ZC3H18: variants seen among roughly 807,000 people sequenced by gnomAD.
ZC3H18 encodes zinc finger CCCH-type containing 18, also known as zinc finger CCCH domain-containing protein 18.
ZC3H18 carries 8 observed loss-of-function variants against 106.1 expected under a neutral mutation model. The ratio of observed to expected loss-of-function variants is 0.08; its 90% CI spans 0.04 to 0.14. The LOEUF (loss-of-function observed/expected upper bound fraction) is 0.14, where lower values mean the gene tolerates loss of function less well. Among genes scored for constraint, ZC3H18 ranks in the 10% least tolerant of loss-of-function variants. The pLI, the probability that ZC3H18 is intolerant of heterozygous loss-of-function variation, is 1.00. For synonymous variants in ZC3H18, 635 were observed against 522.1 expected (o/e 1.22, Z -2.95); for missense variants, 1,318 against 1,278.4 (o/e 1.03, Z -0.47).
intron 8 of ZC3H18, among the ~76,000 whole-genome samples, chr16:88,618,184 CA>C (rs1003803626): frequency 2.6e-5 from 4 of 151,796 alleles, no homozygotes; most frequent in African/African-American, 9.7e-5. Context: ...CATTGGACTC[CA>C]CTTTTTTTTT....
chr16:88,623,382 G>A, intron 10 of ZC3H18, 38 bp downstream of exon 10: 2 of 1,606,120 alleles, frequency 1.2e-6, no homozygotes, highest in East Asian at 2.2e-5. Flanking sequence ...CTCAGCAGGT[G>A]CAGTGAGCAA....
intron 9 of ZC3H18, 102 bp from the exon 10 acceptor site, chr16:88,623,117 C>T: frequency 6.7e-7 from 1 of 1,487,018 alleles, no homozygotes; most frequent in South Asian, 1.3e-5. Flanking sequence ...TTGTGTGTAG[C>T]TGTGCGTCTG....
intron 16 of ZC3H18, among the ~76,000 whole-genome samples, chr16:88,629,470 AT>A (rs559927523): frequency 6.6e-6 from 1 of 151,674 alleles, no homozygotes; most frequent in African/African-American, 2.4e-5. Context: ...GAGCAACTGT[AT>A]TTTTTTTTAC....
At chr16:88,595,289 G>A (rs1257945330) in intron 3 of ZC3H18, among the ~76,000 whole-genome samples, 1 of 151,908 alleles carries the variant, frequency 6.6e-6, no homozygotes, top group Admixed American at 6.5e-5. Context: ...CCTCCGCCCC[G>A]CTCCAGCGGC....
intron 6 of ZC3H18, among the ~76,000 whole-genome samples, chr16:88,603,663 C>A (rs1349133524): frequency 6.7e-6 from 1 of 149,806 alleles, no homozygotes; most frequent in Non-Finnish European, 1.5e-5. Flanking sequence ...GGCTCTGTCG[C>A]CCAGCGTGGA....
chr16:88,589,229 G>A (rs894980246), intron 3 of ZC3H18, among the ~76,000 whole-genome samples: 2 of 152,238 alleles, frequency 1.3e-5, no homozygotes, highest in African/African-American at 2.4e-5. Flanking sequence ...TCGTGAGAGG[G>A]TAAAACGGTG....
chr16:88,587,983 G>A (rs961068263), intron 3 of ZC3H18, among the ~76,000 whole-genome samples: 5 of 152,174 alleles, frequency 3.3e-5, no homozygotes, highest in African/African-American at 7.2e-5. Flanking sequence ...AACAGTTGAC[G>A]TGCCCAAGTC....
chr16:88,585,518 A>G (rs1381347421), intron 2 of ZC3H18, among the ~76,000 whole-genome samples: 1 of 152,204 alleles, frequency 6.6e-6, no homozygotes, highest in East Asian at 1.9e-4. Context: ...TGTGGCTGCA[A>G]CACCTGCAGG....
chr16:88,628,627 G>T, intron 15 of ZC3H18, 131 bp from the exon 16 acceptor site: 1 of 942,560 alleles, frequency 1.1e-6, no homozygotes, highest in Non-Finnish European at 1.7e-6. Flanking sequence ...GGGCTACGGG[G>T]TCTCATGGGT....
At chr16:88,572,130 T>C (rs1416840768) in intron 1 of ZC3H18, among the ~76,000 whole-genome samples, 3 of 152,216 alleles carry the variant, frequency 2.0e-5, no homozygotes, top group Admixed American at 6.5e-5. Flanking sequence ...TCAAAGTGAC[T>C]AGCTTGAGAG....
chr16:88,624,084 A>G, intron 11 of ZC3H18, 22 bp downstream of exon 11: 1 of 1,606,204 alleles, frequency 6.2e-7, no homozygotes, highest in African/African-American at 1.3e-5. Context: ...GCCTGTGGGC[A>G]AGTCCTGGCC....
intron 3 of ZC3H18, among the ~76,000 whole-genome samples, chr16:88,596,623 C>T (rs28360844): frequency 6.6e-6 from 1 of 152,006 alleles, no homozygotes; most frequent in Non-Finnish European, 1.5e-5. Context: ...CTGGGACTGT[C>T]TCACTCAGTC....
chr16:88,603,370 C>T (rs1904848217), intron 6 of ZC3H18, among the ~76,000 whole-genome samples: 1 of 151,462 alleles, frequency 6.6e-6, no homozygotes, highest in Admixed American at 6.6e-5. Flanking sequence ...CCTGTAATCC[C>T]AGCACTTTGG....
chr16:88,578,613 A>C (rs1026850381), intron 2 of ZC3H18, among the ~76,000 whole-genome samples: 3 of 151,850 alleles, frequency 2.0e-5, no homozygotes, highest in Non-Finnish European at 4.4e-5. Context: ...TGCCGAGAGT[A>C]TCTCTCTGAT....
chr16:88,590,467 G>C (rs147796262), intron 3 of ZC3H18, among the ~76,000 whole-genome samples: 6 of 151,942 alleles, frequency 3.9e-5, no homozygotes, highest in African/African-American at 1.5e-4. Context: ...TTTATCTCTC[G>C]TGGGCCTGTG....
At chr16:88,625,320 A>C in intron 13 of ZC3H18, 53 bp downstream of exon 13, 1 of 1,552,076 alleles carries the variant, frequency 6.4e-7, no homozygotes, top group South Asian at 1.2e-5. Flanking sequence ...GGGGCCAGGA[A>C]GTCCCAGAAG....
At chr16:88,598,777 A>C in intron 5 of ZC3H18, 65 bp downstream of exon 5, 1 of 1,489,828 alleles carries the variant, frequency 6.7e-7, no homozygotes, top group Non-Finnish European at 9.2e-7. Flanking sequence ...TCTTGACAAA[A>C]CTGGGATTTC....
Position 88,628,135 on chromosome 16 carries a change from C to T in ZC3H18, c.2469+16C>T. 6.2e-7 allele frequency: 1 copy of T among 1,609,082 alleles called. No homozygotes were observed. The highest frequency in any genetic ancestry group is 8.5e-7 in the Non-Finnish European group (1 of 1,176,442). Reference sequence around the variant, plus strand: ...GTTGAATAAGGTGAGGGCAAGGGCCCTCCTGGTGGCTGCCCCAGCGTCTAG... The same window carrying T: ...GTTGAATAAGGTGAGGGCAAGGGCCTTCCTGGTGGCTGCCCCAGCGTCTAG... On this transcript the variant is annotated intron_variant, in intron 15 of 17. Transcript: ENST00000301011.
chr16:88,626,882 C>A (rs1211857817), intron 13 of ZC3H18, among the ~76,000 whole-genome samples: 5 of 152,174 alleles, frequency 3.3e-5, no homozygotes, highest in Non-Finnish European at 7.3e-5. Flanking sequence ...TGTTTCCAGT[C>A]TGTCTGCCGT....
Sources: gnomAD v4.1 joint callset for allele counts (sites outside exome capture counted in the v4.1 genomes callset) on GRCh38, gnomAD v4.1.1 for gene constraint, MANE v1.5 for transcripts, NCBI Gene and HGNC (gene_info 2026-07-23, HGNC 2026-07-21) for gene names.